The following SYNDIG1 variants were observed in gnomAD, a reference collection of about 807,000 sequenced individuals.
The protein encoded by SYNDIG1 is synapse differentiation inducing 1.
Under a neutral mutation model 19.4 loss-of-function variants are expected in SYNDIG1, and 9 were observed. That is an observed-to-expected ratio of 0.46 (90% CI 0.28 to 0.81). SYNDIG1 has a LOEUF of 0.81. Ranked by LOEUF, SYNDIG1 falls within the 30% of genes least tolerant of loss-of-function variation. The probability of loss-of-function intolerance (pLI) is 0.12; values close to 1 mark genes in which losing one functional copy is unlikely to be tolerated. For missense variants in SYNDIG1, 311 were observed against 343.3 expected (o/e 0.91, Z 0.74); for synonymous variants, 141 against 145.9 (o/e 0.97, Z 0.24).
At chr20:24,661,360 G>GGA (rs2059585674) in intron 3 of SYNDIG1, among the ~76,000 whole-genome samples, 1 of 95,626 alleles carries the variant, frequency 1.0e-5, no homozygotes, top group Non-Finnish European at 2.2e-5. Flanking sequence ...AGAGGAGGGA[G>GGA]GGAAAACCGA....
intron 3 of SYNDIG1, among the ~76,000 whole-genome samples, chr20:24,647,167 T>C (rs1398170119): frequency 6.6e-6 from 1 of 152,128 alleles, no homozygotes; most frequent in Non-Finnish European, 1.5e-5. Context: ...AGCACTTCAT[T>C]AGAAGGTCTA....
intron 3 of SYNDIG1, among the ~76,000 whole-genome samples, chr20:24,597,823 G>A (rs1332387158): frequency 1.3e-5 from 2 of 152,148 alleles, no homozygotes; most frequent in Non-Finnish European, 2.9e-5. Context: ...AAGAATCAGA[G>A]CAGCACCTTA....
intron 1 of SYNDIG1, among the ~76,000 whole-genome samples, chr20:24,477,382 C>T (rs1433151403): frequency 1.3e-5 from 2 of 152,096 alleles, no homozygotes; most frequent in African/African-American, 2.4e-5. Flanking sequence ...GGACACCTCC[C>T]TCCTCCCTAA....
At chr20:24,617,880 A>T (rs1334724177) in intron 3 of SYNDIG1, among the ~76,000 whole-genome samples, 1 of 42,184 alleles carries the variant, frequency 2.4e-5, no homozygotes. Context: ...GAGGCTGGGG[A>T]GGGTTGAGAG....
intron 3 of SYNDIG1, among the ~76,000 whole-genome samples, chr20:24,607,683 C>T (rs1198350817): frequency 3.3e-5 from 5 of 152,236 alleles, no homozygotes; most frequent in African/African-American, 1.2e-4. Context: ...GACAGGGAAG[C>T]CCAACTGCTC....
At chr20:24,662,297 T>C (rs187166176) in intron 3 of SYNDIG1, among the ~76,000 whole-genome samples, 345 of 152,026 alleles carry the variant, frequency 2.3e-3, no homozygotes, top group Non-Finnish European at 4.0e-3. Flanking sequence ...ATGGCGCAAG[T>C]TTACTTTTAC....
chr20:24,588,786 A>G (rs1204681722), intron 3 of SYNDIG1, among the ~76,000 whole-genome samples: 1 of 152,238 alleles, frequency 6.6e-6, no homozygotes, highest in Non-Finnish European at 1.5e-5. Flanking sequence ...TTGCTGTCTT[A>G]CATGCATTAT....
chr20:24,487,903 C>G (rs1280490529), intron 1 of SYNDIG1, among the ~76,000 whole-genome samples: 1 of 152,126 alleles, frequency 6.6e-6, no homozygotes, highest in East Asian at 1.9e-4. Context: ...TGAGGTGGTA[C>G]AGCCAGCAGC....
intron 3 of SYNDIG1, among the ~76,000 whole-genome samples, chr20:24,650,348 C>T (rs1343390409): frequency 6.6e-6 from 1 of 152,236 alleles, no homozygotes; most frequent in African/African-American, 2.4e-5. Flanking sequence ...GCCAGCTGCG[C>T]TAGAAATAAA....
chr20:24,521,472 TC>T (rs2057001516), intron 1 of SYNDIG1, among the ~76,000 whole-genome samples: 1 of 152,180 alleles, frequency 6.6e-6, no homozygotes, highest in Non-Finnish European at 1.5e-5. Flanking sequence ...CGTCTTGTCT[TC>T]CACCGTGGCC....
chr20:24,543,344 G>A lies in SYNDIG1; in HGVS notation c.247G>A (p.Val83Met), dbSNP rs746855089. The change falls in exon 2 of 4, where the codon GTG (valine) becomes ATG (methionine). Residue 83 changes from valine (V) to methionine (M), a missense_variant. Transcript: ENST00000376862. ...LLDPNTLQQSVESRYRPNIIL... is the reference protein window; with the variant it reads ...LLDPNTLQQSMESRYRPNIIL... ...GGACCCCAACACCCTGCAGCAGTCAGTGGAGTCCCGCTACCGGCCCAACAT... is the reference window on the plus strand; with the variant it reads ...GGACCCCAACACCCTGCAGCAGTCAATGGAGTCCCGCTACCGGCCCAACAT... 25 of 1,613,608 alleles carry A rather than the reference G, an allele frequency of 1.5e-5. No individual in the cohort carries two copies. Among genetic ancestry groups the A allele is most frequent in the Non-Finnish European group, 2.1e-5 (25 of 1,180,032 alleles).
chr20:24,654,814 G>A (rs139280499), intron 3 of SYNDIG1, among the ~76,000 whole-genome samples: 9 of 152,248 alleles, frequency 5.9e-5, no homozygotes, highest in African/African-American at 1.9e-4. Flanking sequence ...AGCAGTGAAG[G>A]GGTATAAAGA....
chr20:24,589,532 C>T (rs919015664), intron 3 of SYNDIG1, among the ~76,000 whole-genome samples: 1 of 152,216 alleles, frequency 6.6e-6, no homozygotes, highest in African/African-American at 2.4e-5. Flanking sequence ...CTTCATGGCA[C>T]TTCACTCCAT....
chr20:24,630,557 T>A (rs2059224517), intron 3 of SYNDIG1, among the ~76,000 whole-genome samples: 2 of 152,060 alleles, frequency 1.3e-5, no homozygotes, highest in South Asian at 4.1e-4. Context: ...ATCTCAAGGG[T>A]CTTTTGAATC....
intron 2 of SYNDIG1, among the ~76,000 whole-genome samples, chr20:24,551,229 T>C (rs1346777527): frequency 6.6e-6 from 1 of 152,230 alleles, no homozygotes; most frequent in African/African-American, 2.4e-5. Context: ...AGATCGTCCT[T>C]TATTCTTGTC....
chr20:24,616,950 G>T (rs1217724903), intron 3 of SYNDIG1, among the ~76,000 whole-genome samples: 1 of 152,162 alleles, frequency 6.6e-6, no homozygotes, highest in Non-Finnish European at 1.5e-5. Context: ...AGCCCCGGTG[G>T]CTGCTGACCT....
chr20:24,541,289 A>C (rs759183519), intron 1 of SYNDIG1, among the ~76,000 whole-genome samples: 9 of 152,248 alleles, frequency 5.9e-5, no homozygotes, highest in Non-Finnish European at 1.3e-4. Flanking sequence ...AAACTTGTAT[A>C]GAATATGTTG....
intron 1 of SYNDIG1, among the ~76,000 whole-genome samples, chr20:24,507,705 G>A (rs2056629143): frequency 6.6e-6 from 1 of 152,204 alleles, no homozygotes; most frequent in Admixed American, 6.5e-5. Flanking sequence ...AGCAGTATCG[G>A]GTGTGAGCAA....
chr20:24,570,098 A>G (rs1216540156), intron 2 of SYNDIG1, among the ~76,000 whole-genome samples: 2 of 152,242 alleles, frequency 1.3e-5, no homozygotes, highest in African/African-American at 4.8e-5. Flanking sequence ...ATGGACAGGC[A>G]AAATCTTCTG....
Sources: gnomAD v4.1 joint callset for allele counts (sites outside exome capture counted in the v4.1 genomes callset) on GRCh38, gnomAD v4.1.1 for gene constraint, MANE v1.5 for transcripts, NCBI Gene and HGNC (gene_info 2026-07-23, HGNC 2026-07-21) for gene names.